Variants in RUSF1 observed in about 807,000 individuals in gnomAD.
The protein encoded by RUSF1 is RUS family member 1.
RUSF1 carries 58 observed loss-of-function variants against 63.0 expected under a neutral mutation model. That is an observed-to-expected ratio of 0.92 (90% CI 0.75 to 1.15). The LOEUF is 1.15. RUSF1 is among the 50% of genes most tolerant of loss of function. The pLI is 0.00. For missense variants in RUSF1, 652 were observed against 611.0 expected, an observed-to-expected ratio of 1.07 and a Z score of -0.71; for synonymous variants, 274 against 255.8, an observed-to-expected ratio of 1.07 and a Z score of -0.68.
Position 31,493,891 on chromosome 16 carries a change from G to C in RUSF1, c.748C>G (p.Leu250Val), listed in dbSNP as rs2082588886. 1 of 1,614,188 alleles carries C rather than the reference G, an allele frequency of 6.2e-7. No individual in the cohort carries two copies. Among genetic ancestry groups the C allele is most frequent in the African/African-American group, 1.3e-5 (1 of 75,056 alleles). ...CCAGGGCAACCTGACACCAGAGGGA[G>C]CATCAGGAGGCTGACCAAGAGCCCC... ...LAGLLVSLLMLPLVSGCPGFS... is the reference protein window; with the variant it reads ...LAGLLVSLLMVPLVSGCPGFS... The change falls in exon 7 of 13, where the codon CTC becomes GTC. Residue 250 changes from leucine (L) to valine (V), a missense_variant. Leu to Val is a conservative substitution (Grantham distance 32, BLOSUM62 1). Coordinates refer to ENST00000327237, the MANE Select transcript of RUSF1 (RefSeq NM_022744.4).
At chr16:31,496,566 A>G (rs1271986436) in intron 6 of RUSF1, among the ~76,000 whole-genome samples, 1 of 152,146 alleles carries the variant, frequency 6.6e-6, no homozygotes, top group Non-Finnish European at 1.5e-5. Context: ...TTGCCTTGAC[A>G]TGTGGGGCCT....
chr16:31,502,614 A>G (rs2082638405), intron 2 of RUSF1, among the ~76,000 whole-genome samples: 1 of 152,216 alleles, frequency 6.6e-6, no homozygotes, highest in Non-Finnish European at 1.5e-5. Context: ...TCACTGAAGG[A>G]AAGCATGGGT....
At position 31,489,573 on chromosome 16, in the gene RUSF1, C is replaced by T; in HGVS notation, c.*1262G>A. The T allele has an allele frequency of 3.3e-6, 2 of 597,554 alleles. No homozygotes were observed. The highest frequency in any genetic ancestry group is 2.8e-5 in the Admixed American group (1 of 35,258). The allele number at this position is 597,554 out of a possible 1,614,324, so 37.0% of individuals were successfully genotyped here. ...GTGATTAAAGCCTCCCAAAGCCAAT[C>T]CTTGGCATGGCCTTTGGGACTCAAA... On this transcript the variant is annotated 3_prime_UTR_variant, in exon 13 of 13. Coordinates refer to ENST00000327237, the MANE Select transcript of RUSF1 (RefSeq NM_022744.4).
At chr16:31,505,057 T>C (rs573883504) in intron 2 of RUSF1, among the ~76,000 whole-genome samples, 69 of 152,272 alleles carry the variant, frequency 4.5e-4, no homozygotes, top group Middle Eastern at 3.4e-3. Context: ...TGAGACAGCC[T>C]GAGATGTGGC....
chr16:31,493,470 G>A lies in RUSF1; in HGVS notation c.1013C>T (p.Ser338Phe), dbSNP rs1413737463. 1.1e-5 allele frequency: 17 copies of A among 1,604,200 alleles called. No individual in the cohort carries two copies. The highest frequency in any genetic ancestry group is 1.4e-5 in the Non-Finnish European group (17 of 1,175,354). ...SLGVPLHRLVSSVFELQQLVE... is the reference protein window; with the variant it reads ...SLGVPLHRLVFSVFELQQLVE... ...CGGGAGACGCTAGGCCACTCACCTG[G>A]AGACCAAGCGGTGTAAGGGGACCCC... Residue 338 changes from serine to phenylalanine, a missense_variant, in exon 9 of 13, where the codon TCC (serine) becomes TTC (phenylalanine). Transcript: ENST00000327237.
chr16:31,493,039 C>T lies in RUSF1; in HGVS notation c.1026G>A (p.Glu342=). 6.2e-7 allele frequency: 1 copy of T among 1,613,934 alleles called. No homozygotes were observed. Among genetic ancestry groups the T allele is most frequent in the South Asian group, 1.1e-5 (1 of 91,064 alleles). Residue 342 remains glutamate (E), a synonymous_variant, in exon 10 of 13, where the codon GAG becomes GAA. Transcript: ENST00000327237. ...GGTGCCCCTCAACCAGCTGCTGCAG[C>T]TCAAAGACACTGTGGGGGAGAGGAC... ...PLHRLVSSVF[E]LQQLVEGHQE...
At chr16:31,501,488 T>C (rs544010518) in intron 2 of RUSF1, among the ~76,000 whole-genome samples, 1 of 151,446 alleles carries the variant, frequency 6.6e-6, no homozygotes, top group South Asian at 2.1e-4. Flanking sequence ...CCCAGCTACT[T>C]GGGAGGCTGA....
intron 4 of RUSF1, 26 bp downstream of exon 4, chr16:31,499,467 C>A: frequency 6.2e-7 from 1 of 1,605,416 alleles, no homozygotes; most frequent in Non-Finnish European, 8.5e-7. Context: ...GGAAGACTCC[C>A]CTCCCCCGTC....
In RUSF1 at chr16:31,493,619, C is replaced by T. The variant is rs759045764; in HGVS notation, c.942G>A (p.Met314Ile). 6.2e-7 allele frequency: 1 copy of T among 1,614,216 alleles called. No individual in the cohort carries two copies. The highest frequency in any genetic ancestry group is 1.1e-5 in the South Asian group (1 of 91,088). Residue 314 changes from methionine (M) to isoleucine (I), a missense_variant, in exon 8 of 13, where the codon ATG becomes ATA. By Grantham distance (10) the Met-to-Ile change is conservative. Coordinates refer to ENST00000327237, the MANE Select transcript of RUSF1 (RefSeq NM_022744.4). ...EVLDPTAANR[M>I]EPLWTGFWPA... ...CAGGGTCACCTGTCCACAGCGGCTC[C>T]ATGCGATTGGCTGCAGTTGGGTCGA...
chr16:31,496,785 C>G, intron 6 of RUSF1, 64 bp downstream of exon 6: 1 of 1,389,528 alleles, frequency 7.2e-7, no homozygotes, highest in Admixed American at 2.3e-5. Flanking sequence ...CTCCAGGGCA[C>G]TCAAGTGGCT....
rs768889568 is a variant in RUSF1 at position 31,492,323 on chromosome 16, G to C, written c.1105C>G (p.Leu369Val). Reference sequence around the variant, plus strand: ...GTCTTGGGGCCTGCCTTCTGGTTCAGAACTACCTGTACCTGGTCTGGAGGG... The same window carrying C: ...GTCTTGGGGCCTGCCTTCTGGTTCACAACTACCTGTACCTGGTCTGGAGGG... ...DQSQNQVQVV[L>V]NQKAGPKTIL... Residue 369 changes from leucine (L) to valine (V), a missense_variant, in exon 11 of 13, where the codon CTG becomes GTG. Physicochemically the swap from Leu to Val is conservative, Grantham distance 32. Transcript: ENST00000327237. The C allele has an allele frequency of 2.1e-5, 33 of 1,585,986 alleles. No homozygotes were observed. Among genetic ancestry groups the C allele is most frequent in the Non-Finnish European group, 2.7e-5 (32 of 1,166,416 alleles).
intron 5 of RUSF1, among the ~76,000 whole-genome samples, chr16:31,497,848 C>A (rs1289946243): frequency 6.6e-6 from 1 of 152,242 alleles, no homozygotes; most frequent in Non-Finnish European, 1.5e-5. Context: ...CGGAGCCTGG[C>A]AAGCCTGGTG....
intron 5 of RUSF1, among the ~76,000 whole-genome samples, chr16:31,498,361 C>G (rs545620037): frequency 4.9e-4 from 75 of 152,272 alleles, no homozygotes; most frequent in African/African-American, 1.7e-3. Context: ...GTTTCCTACC[C>G]TGTTTAGGGG....
chr16:31,502,427 A>T (rs568450684), intron 2 of RUSF1, among the ~76,000 whole-genome samples: 1 of 152,262 alleles, frequency 6.6e-6, no homozygotes, highest in Non-Finnish European at 1.5e-5. Context: ...TCATCTTCAC[A>T]ATGATCCTGA....
chr16:31,503,379 C>G (rs2082642075), intron 2 of RUSF1, among the ~76,000 whole-genome samples: 1 of 152,182 alleles, frequency 6.6e-6, no homozygotes, highest in Admixed American at 6.6e-5. Context: ...ATAATGGCAG[C>G]TAACTAATAT....
chr16:31,489,545 T>C lies in RUSF1; in HGVS notation c.*1290A>G, dbSNP rs111880708. 6.5e-6 allele frequency: 4 copies of C among 619,336 alleles called. No homozygotes were observed. Among genetic ancestry groups the C allele is most frequent in the Non-Finnish European group, 1.1e-5 (4 of 347,836 alleles). The allele number at this position is 619,336 out of a possible 1,614,324, so 38.4% of individuals were successfully genotyped here. On this transcript the variant is annotated 3_prime_UTR_variant, in exon 13 of 13. Coordinates refer to ENST00000327237, the MANE Select transcript of RUSF1 (RefSeq NM_022744.4). The stretch of plus-strand genomic sequence containing the variant: ...CTGGGGGAGGCTTGATGTTGATGGG[T>C]TGGTGATTAAAGCCTCCCAAAGCCA...
At chr16:31,508,026 A>G in intron 1 of RUSF1, 48 bp downstream of exon 1, 1 of 1,559,978 alleles carries the variant, frequency 6.4e-7, no homozygotes, top group Non-Finnish European at 8.7e-7. Context: ...ATTATTGGGG[A>G]GGGAGGAGTG....
intron 5 of RUSF1, among the ~76,000 whole-genome samples, chr16:31,497,495 T>G (rs2082610246): frequency 6.6e-6 from 1 of 152,288 alleles, no homozygotes; most frequent in Non-Finnish European, 1.5e-5. Context: ...TTATTACTAT[T>G]TTTATTTATC....
At chr16:31,499,770 A>C (rs931877019) in intron 3 of RUSF1, among the ~76,000 whole-genome samples, 25 of 151,624 alleles carry the variant, frequency 1.6e-4, no homozygotes, top group Non-Finnish European at 3.4e-4. Flanking sequence ...CCAAGGAAAA[A>C]CCCTGATTGT....
Sources: allele counts gnomAD v4.1 joint callset (sites outside exome capture counted in the v4.1 genomes callset), GRCh38; gene constraint gnomAD v4.1.1; transcripts MANE v1.5; gene names NCBI Gene and HGNC (gene_info 2026-07-23, HGNC 2026-07-21).